The following SPATS2 variants were observed in gnomAD, a reference collection of about 807,000 sequenced individuals.
The protein encoded by SPATS2 is spermatogenesis associated serine rich 2, also known as spermatogenesis-associated serine-rich protein 2.
In SPATS2, 38 loss-of-function variants were observed where a neutral mutation model predicts 63.7. The ratio of observed to expected loss-of-function variants is 0.60; its 90% confidence interval spans 0.46 to 0.78. SPATS2 has a LOEUF of 0.78. Ranked by LOEUF, SPATS2 falls within the 30% of genes least tolerant of loss-of-function variation. The pLI, the probability that SPATS2 is intolerant of heterozygous loss-of-function variation, is 0.00. For missense variants in SPATS2, 588 were observed against 666.2 expected, an observed-to-expected ratio of 0.88 and a Z score of 1.29; for synonymous variants, 207 against 232.9, an observed-to-expected ratio of 0.89 and a Z score of 1.01.
chr12:49,421,586 T>C (rs889498111), intron 2 of SPATS2, among the ~76,000 whole-genome samples: 6 of 152,166 alleles, frequency 3.9e-5, no homozygotes, highest in Admixed American at 6.5e-5. Flanking sequence ...AGATGCCTAA[T>C]TCTGGTCCAT....
intron 2 of SPATS2, among the ~76,000 whole-genome samples, chr12:49,385,831 TTTTTG>T (rs1299307293): frequency 6.8e-6 from 1 of 147,694 alleles, no homozygotes. Context: ...TGTGGGGTTT[TTTTTG>T]TTTTTTGTTT....
chr12:49,462,775 C>G (rs1945843968), intron 3 of SPATS2: 1 of 366,206 alleles, frequency 2.7e-6, no homozygotes, highest in Admixed American at 4.4e-5. Flanking sequence ...AAAGTTACAC[C>G]ATCAAGCTGT....
intron 6 of SPATS2, among the ~76,000 whole-genome samples, chr12:49,491,443 G>A (rs1426682632): frequency 1.3e-5 from 2 of 151,954 alleles, no homozygotes; most frequent in African/African-American, 4.8e-5. Context: ...GGCCAGGCAC[G>A]GTGACTCATG....
At chr12:49,467,472 T>A (rs374068763) in intron 3 of SPATS2, among the ~76,000 whole-genome samples, 1 of 152,150 alleles carries the variant, frequency 6.6e-6, no homozygotes, top group Non-Finnish European at 1.5e-5. Flanking sequence ...TTGTTTGTGA[T>A]TCCCACAGAT....
intron 9 of SPATS2, among the ~76,000 whole-genome samples, chr12:49,501,579 G>A (rs1321009399): frequency 6.6e-6 from 1 of 152,124 alleles, no homozygotes; most frequent in Non-Finnish European, 1.5e-5. Flanking sequence ...TGTTTTAACT[G>A]TTAGATATTA....
At chr12:49,404,867 T>A (rs1944667276) in intron 2 of SPATS2, among the ~76,000 whole-genome samples, 1 of 152,202 alleles carries the variant, frequency 6.6e-6, no homozygotes, top group Admixed American at 6.5e-5. Context: ...ATGGTTCTTA[T>A]ACTTTTAAGT....
upstream of SPATS2, chr12:49,367,331 C>T: frequency 2.6e-6 from 1 of 384,678 alleles, no homozygotes; most frequent in South Asian, 1.3e-4. Context: ...GAGCCGCTGC[C>T]TGGGCGAGGG....
intron 2 of SPATS2, among the ~76,000 whole-genome samples, chr12:49,446,142 G>A (rs903017940): frequency 7.2e-5 from 11 of 152,124 alleles, no homozygotes; most frequent in African/African-American, 2.7e-4. Flanking sequence ...GAGCTCAGGT[G>A]ATCTGCCCGC....
chr12:49,387,837 A>G (rs924043687), intron 2 of SPATS2, among the ~76,000 whole-genome samples: 1 of 152,134 alleles, frequency 6.6e-6, no homozygotes, highest in African/African-American at 2.4e-5. Flanking sequence ...CCCTGCTGAC[A>G]CATCTGTTCA....
At chr12:49,424,257 T>C (rs1489744307) in intron 2 of SPATS2, among the ~76,000 whole-genome samples, 2 of 152,050 alleles carry the variant, frequency 1.3e-5, no homozygotes, top group East Asian at 3.9e-4. Context: ...ATTTTTCTAC[T>C]TCAGTGATAC....
chr12:49,435,935 G>A (rs1358558200), intron 2 of SPATS2, among the ~76,000 whole-genome samples: 3 of 150,504 alleles, frequency 2.0e-5, no homozygotes, highest in African/African-American at 7.3e-5. Flanking sequence ...CACAGCACAT[G>A]TTTCAGAGAG....
intron 2 of SPATS2, among the ~76,000 whole-genome samples, chr12:49,444,239 G>A (rs1460885722): frequency 2.7e-5 from 4 of 150,764 alleles, no homozygotes; most frequent in African/African-American, 9.8e-5. Flanking sequence ...TAAGAGACAG[G>A]GTCTTCCTCT....
chr12:49,462,311 G>GGCATGA (rs1355158631), intron 3 of SPATS2: 2 of 702,406 alleles, frequency 2.8e-6, no homozygotes, highest in Admixed American at 4.0e-5. Flanking sequence ...GGAACTGGAG[G>GGCATGA]GCATGAGTGC....
intron 3 of SPATS2, among the ~76,000 whole-genome samples, chr12:49,466,190 G>A (rs1030566938): frequency 1.3e-5 from 2 of 151,796 alleles, no homozygotes; most frequent in African/African-American, 4.8e-5. Context: ...TTGAAACGGA[G>A]TCTCTCTCTG....
At chr12:49,466,246 C>T (rs1224274942) in intron 3 of SPATS2, among the ~76,000 whole-genome samples, 1 of 152,038 alleles carries the variant, frequency 6.6e-6, no homozygotes, top group Admixed American at 6.6e-5. Context: ...TCACTACAAC[C>T]TCCGCCTCCC....
At chr12:49,374,780 G>T (rs1382781427) in intron 2 of SPATS2, among the ~76,000 whole-genome samples, 1 of 152,062 alleles carries the variant, frequency 6.6e-6, no homozygotes, top group African/African-American at 2.4e-5. Flanking sequence ...GGCCAACATG[G>T]CGAAACCTCA....
chr12:49,399,165 T>C (rs752445293), intron 2 of SPATS2, among the ~76,000 whole-genome samples: 1 of 152,148 alleles, frequency 6.6e-6, no homozygotes, highest in Non-Finnish European at 1.5e-5. Flanking sequence ...CTTTTTTTTT[T>C]CCTTTGGTTT....
intron 2 of SPATS2, among the ~76,000 whole-genome samples, chr12:49,440,308 C>T (rs1945394151): frequency 6.6e-6 from 1 of 152,098 alleles, no homozygotes; most frequent in African/African-American, 2.4e-5. Context: ...ATGTACAGCT[C>T]CTTATTTCCA....
At chr12:49,385,252 G>T (rs1944291992) in intron 2 of SPATS2, among the ~76,000 whole-genome samples, 1 of 150,610 alleles carries the variant, frequency 6.6e-6, no homozygotes, top group African/African-American at 2.4e-5. Flanking sequence ...GAAATGTTTA[G>T]TATTTCACGG....
Sources: allele counts gnomAD v4.1 joint callset (sites outside exome capture counted in the v4.1 genomes callset), GRCh38; gene constraint gnomAD v4.1.1; transcripts MANE v1.5; gene names NCBI Gene and HGNC (gene_info 2026-07-23, HGNC 2026-07-21).